RYR1: variants seen among roughly 807,000 people sequenced by gnomAD.
The protein encoded by RYR1 is central core disease of muscle.
A neutral mutation model predicts 583.5 loss-of-function variants in RYR1; 342 were observed. The ratio of observed to expected loss-of-function variants is 0.59; its 90% confidence interval spans 0.54 to 0.64. RYR1 has a LOEUF of 0.64. Ranked by LOEUF, RYR1 falls within the 30% of genes least tolerant of loss-of-function variation. The pLI is 0.00. For synonymous variants in RYR1, 2,791 were observed against 2,822.5 expected (o/e 0.99, Z 0.35); for missense variants, 6,032 against 6,917.2 (o/e 0.87, Z 4.54).
chr19:38,441,566 G>C (rs1972686019), intron 2 of RYR1, among the ~76,000 whole-genome samples: 1 of 151,472 alleles, frequency 6.6e-6, no homozygotes, highest in African/African-American at 2.4e-5. Context: ...GCAGGGGATC[G>C]AGGGGCCGAG....
intron 20 of RYR1, among the ~76,000 whole-genome samples, chr19:38,462,900 T>TTTG (rs1378385226): frequency 2.1e-4 from 29 of 141,230 alleles, no homozygotes; most frequent in Middle Eastern, 3.5e-3. Flanking sequence ...TCTTTTTTTT[T>TTTG]TTTTTTTTTT....
intron 9 of RYR1, 116 bp downstream of exon 9, chr19:38,446,884 A>G (rs942936951): frequency 4.5e-5 from 35 of 783,908 alleles, no homozygotes; most frequent in Non-Finnish European, 6.1e-5. Flanking sequence ...GTCTCGAGGG[A>G]AAATCAGAGC....
intron 20 of RYR1, among the ~76,000 whole-genome samples, chr19:38,461,496 C>T (rs982226080): frequency 2.6e-5 from 4 of 151,540 alleles, no homozygotes; most frequent in African/African-American, 7.3e-5. Flanking sequence ...TCTGAGAGGC[C>T]GAGGCAGGAT....
rs199855195 is a variant in RYR1, at chr19:38,543,369, A to G, written c.11712A>G (p.Thr3904=). 9.3e-6 allele frequency: 15 copies of G among 1,614,114 alleles called. No individual in the cohort carries two copies. Among genetic ancestry groups the G allele is most frequent in the African/African-American group, 1.3e-5 (1 of 74,940 alleles). ...CAGATTTCCAGAACTACCTACGGAC[A>G]CAGACAGGGAACACGACCACTATTA... ...HNNDFQNYLR[T]QTGNTTTINI... The change falls in exon 85 of 106, where the codon ACA becomes ACG. Residue 3904 remains threonine (T), a synonymous_variant. Transcript: ENST00000359596. The surrounding 1 kb of genome is among the most constrained non-coding windows in gnomAD (Gnocchi z 4.4).
At position 38,565,419 on chromosome 19, in the gene RYR1, T is replaced by C; in HGVS notation, c.13085T>C (p.Leu4362Pro). 6.7e-7 allele frequency: 1 copy of C among 1,484,318 alleles called. No homozygotes were observed. The highest frequency in any genetic ancestry group is 8.9e-7 in the Non-Finnish European group (1 of 1,124,188). The allele number at this position is 1,484,318 out of a possible 1,614,324, so 91.9% of individuals were successfully genotyped here. The stretch of plus-strand genomic sequence containing the variant: ...GCGCTGGGCCTGCTCTGGGGCTCGC[T>C]GTTCGGCGGCGGCCTGGTGGAGGGC... ...AGALGLLWGS[L>P]FGGGLVEGAK... Residue 4362 changes from leucine to proline, a missense_variant, in exon 91 of 106, where the codon CTG becomes CCG. This residue lies in a region of RYR1 where 753 missense variants were observed against 759.6 expected (regional missense o/e 0.99). Transcript: ENST00000359596. This position sits in a 1 kb window ranked among gnomAD's most constrained non-coding sequence, Gnocchi z 4.7.
chr19:38,585,369 G>GATATATATATAT (rs3039200), intron 102 of RYR1, among the ~76,000 whole-genome samples: 26 of 141,060 alleles, frequency 1.8e-4, no homozygotes, highest in African/African-American at 6.2e-4. Context: ...AAAGGCCTGA[G>GATATATATATAT]ATATATATAT....
In RYR1 at chr19:38,587,321, C is replaced by T. The variant is rs1335724084; in HGVS notation, c.15022-4C>T. The T allele has an allele frequency of 1.9e-6, 3 of 1,606,206 alleles. No individual in the cohort carries two copies. Among genetic ancestry groups the T allele is most frequent in the African/African-American group, 1.3e-5 (1 of 74,678 alleles). ...CAATGAACTCTTTCTATCCCCAATC[C>T]TAGGAGTCTTATGTCTGGAAGATGT... On this transcript the variant is annotated splice_polypyrimidine_tract_variant and splice_region_variant and intron_variant, in intron 105 of 105. Coordinates refer to ENST00000359596, the MANE Select transcript of RYR1 (RefSeq NM_000540.3).
chr19:38,504,228 C>T lies in RYR1; in HGVS notation c.7935C>T (p.Thr2645=). 1 of 1,613,248 alleles carries T rather than the reference C, an allele frequency of 6.2e-7. No individual in the cohort carries two copies. Among genetic ancestry groups the T allele is most frequent in the Non-Finnish European group, 8.5e-7 (1 of 1,179,682 alleles). ...CTCTTGTTCCCACCCAGCTCCTCAC[C>T]AACCACTATGAGCGCTGTTGGAAGT... is the stretch of plus-strand genomic sequence containing the variant. The part of the protein sequence containing the change: ...EFAKMPLKLL[T]NHYERCWKYY... Residue 2645 remains threonine (T), a synonymous_variant, in exon 50 of 106, where the codon ACC becomes ACT. Transcript: ENST00000359596.
At chr19:38,502,399 G>A (rs1600830617) in intron 47 of RYR1, 108 bp from the exon 48 acceptor site, 1 of 1,039,494 alleles carries the variant, frequency 9.6e-7, no homozygotes. Context: ...AGCAGGTTTT[G>A]GGGGAGTCAT....
Position 38,543,963 on chromosome 19 carries a change from C to T in RYR1, c.12012+88C>T. 2 of 1,267,254 alleles carry T rather than the reference C, an allele frequency of 1.6e-6. No individual in the cohort carries two copies. The highest frequency in any genetic ancestry group is 2.2e-6 in the Non-Finnish European group (2 of 894,104). 78.5% of individuals were successfully genotyped at this position (1,267,254 alleles called of 1,614,324 possible). A position where few individuals can be genotyped will look rare whatever the true frequency, so the allele number is the denominator to read the frequency against. On this transcript the variant is annotated intron_variant, in intron 87 of 105. Coordinates refer to ENST00000359596, the MANE Select transcript of RYR1 (RefSeq NM_000540.3). This position sits in a 1 kb window ranked among gnomAD's most constrained non-coding sequence, Gnocchi z 4.4. ...AGTCTTGCCCCTTTGGTCAGTTTGT[C>T]ACCCGAGTGCTCCCGGCATGTTCCA...
At chr19:38,514,590 T>C (rs1414070438) in intron 63 of RYR1, among the ~76,000 whole-genome samples, 2 of 152,038 alleles carry the variant, frequency 1.3e-5, no homozygotes, top group African/African-American at 2.4e-5. Flanking sequence ...TAAAAATATA[T>C]ACATTTTAAA....
At chr19:38,541,021 G>C (rs1488779481) in intron 84 of RYR1, among the ~76,000 whole-genome samples, 1 of 152,178 alleles carries the variant, frequency 6.6e-6, no homozygotes, top group Non-Finnish European at 1.5e-5. Context: ...TTAACAGTTT[G>C]CTTTCACAGA....
chr19:38,458,056 G>GC lies in RYR1; in HGVS notation c.1935dup (p.Asn646GlnfsTer19). Reference sequence around the variant, plus strand: ...CTGTCCCATCTCTCCTGCAGCATCCGCCCCAACATCTTTGTGGGCCGAGCG... The same window carrying GC: ...CTGTCCCATCTCTCCTGCAGCATCCGCCCCCAACATCTTTGTGGGCCGAGCG... On this transcript the variant is annotated frameshift_variant, in exon 18 of 106. Coordinates refer to ENST00000359596, the MANE Select transcript of RYR1 (RefSeq NM_000540.3). LOFTEE classifies it high-confidence loss of function. The GC allele has an allele frequency of 6.2e-7, 1 of 1,613,318 alleles. No individual in the cohort carries two copies. The highest frequency in any genetic ancestry group is 8.5e-7 in the Non-Finnish European group (1 of 1,179,982).
chr19:38,563,462 G>C (rs1973245991), intron 90 of RYR1, among the ~76,000 whole-genome samples: 1 of 152,152 alleles, frequency 6.6e-6, no homozygotes, highest in African/African-American at 2.4e-5. Flanking sequence ...GCGGGGTTTT[G>C]CCATGTTGGC....
chr19:38,522,098 A>G (rs1195125673), intron 67 of RYR1, among the ~76,000 whole-genome samples: 1 of 152,114 alleles, frequency 6.6e-6, no homozygotes, highest in Non-Finnish European at 1.5e-5. Flanking sequence ...GGGAGGGGCC[A>G]TGATAGTACT....
chr19:38,492,506 A>G lies in RYR1; in HGVS notation c.6144A>G (p.Gly2048=), dbSNP rs1479301909. The change falls in exon 38 of 106, where the codon GGA becomes GGG. Residue 2048 remains glycine, a synonymous_variant. Coordinates refer to ENST00000359596, the MANE Select transcript of RYR1 (RefSeq NM_000540.3). ...CACTTCCAGGAATTCAGCTAGATGGAGAGGAGGAGGAACCAGAGGAAGAGA... is the reference window on the plus strand; with the variant it reads ...CACTTCCAGGAATTCAGCTAGATGGGGAGGAGGAGGAACCAGAGGAAGAGA... The part of the protein sequence containing the change: ...LLAHCGIQLD[G]EEEEPEEETT... 1 of 1,613,944 alleles carries G rather than the reference A, an allele frequency of 6.2e-7. No individual in the cohort carries two copies. The highest frequency in any genetic ancestry group is 1.3e-5 in the African/African-American group (1 of 74,918).
In RYR1 at chr19:38,523,947, G is replaced by C; in HGVS notation, c.10455+18G>C. 6.2e-7 allele frequency: 1 copy of C among 1,613,616 alleles called. No individual in the cohort carries two copies. Among genetic ancestry groups the C allele is most frequent in the Non-Finnish European group, 8.5e-7 (1 of 1,179,894 alleles). ...ATATACAGGTCAGCCCCACATCTGG[G>C]ACCTTCCGCATGTCTCTTGGCTAAT... On this transcript the variant is annotated intron_variant, in intron 70 of 105. Transcript: ENST00000359596.
chr19:38,573,278 G>A lies in RYR1; in HGVS notation c.14100G>A (p.Gly4700=). The A allele has an allele frequency of 6.2e-7, 1 of 1,613,896 alleles. No individual in the cohort carries two copies. The highest frequency in any genetic ancestry group is 8.5e-7 in the Non-Finnish European group (1 of 1,179,916). The part of the protein sequence containing the change: ...TEQPEDDDVK[G]QWDRLVLNTP... ...AGCCTGAGGACGATGACGTGAAGGG[G>A]CAGTGGGACCGACTGGTGCTCAACA... Residue 4700 remains glycine (G), a synonymous_variant, in exon 96 of 106, where the codon GGG becomes GGA. Coordinates refer to ENST00000359596, the MANE Select transcript of RYR1 (RefSeq NM_000540.3).
At position 38,572,063 on chromosome 19, in the gene RYR1, T is replaced by C. The variant is rs1973738652; in HGVS notation, c.13791T>C (p.Ala4597=). 1.2e-6 allele frequency: 2 copies of C among 1,614,016 alleles called. No individual in the cohort carries two copies. Among genetic ancestry groups the C allele is most frequent in the Non-Finnish European group, 1.7e-6 (2 of 1,180,042 alleles). ...PPGEDDMEGS[A]AGDVSGAGSG... Reference sequence around the variant, plus strand: ...GGGAGGACGACATGGAAGGCTCAGCTGCTGGGGATGTGTCAGGTGCAGGCT... The same window carrying C: ...GGGAGGACGACATGGAAGGCTCAGCCGCTGGGGATGTGTCAGGTGCAGGCT... The change falls in exon 95 of 106, where the codon GCT becomes GCC. Residue 4597 remains alanine (A), a synonymous_variant. Transcript: ENST00000359596.
Sources: allele counts gnomAD v4.1 joint callset (sites outside exome capture counted in the v4.1 genomes callset), GRCh38; gene constraint gnomAD v4.1.1; regional missense constraint gnomAD v4.1.1; non-coding constraint Gnocchi (gnomAD v3.1); transcripts MANE v1.5; gene names NCBI Gene and HGNC (gene_info 2026-07-23, HGNC 2026-07-21).